Variants in XPNPEP1 observed in about 807,000 individuals in gnomAD.
XPNPEP1 encodes the protein xaa-Pro aminopeptidase 1.
Under a neutral mutation model 92.4 loss-of-function variants are expected in XPNPEP1, and 39 were observed. The ratio of observed to expected loss-of-function variants is 0.42; its 90% CI spans 0.33 to 0.55. The LOEUF is 0.55. Ranked by LOEUF, XPNPEP1 falls within the 20% of genes least tolerant of loss-of-function variation. The probability of loss-of-function intolerance (pLI) is 0.08; values close to 1 mark genes in which losing one functional copy is unlikely to be tolerated. For missense variants in XPNPEP1, 654 were observed against 856.1 expected (o/e 0.76, Z 2.95); for synonymous variants, 307 against 299.4 (o/e 1.03, Z -0.26).
chr10:109,920,310 A>T (rs1423666271), intron 1 of XPNPEP1, among the ~76,000 whole-genome samples: 1 of 152,204 alleles, frequency 6.6e-6, no homozygotes, highest in African/African-American at 2.4e-5. Context: ...ATAGTTGTAC[A>T]ACTCTGTGAC....
intron 1 of XPNPEP1, among the ~76,000 whole-genome samples, chr10:109,921,559 G>A (rs1850542447): frequency 6.6e-6 from 1 of 152,226 alleles, no homozygotes; most frequent in Admixed American, 6.5e-5. Flanking sequence ...GTAGCGTTCA[G>A]CATGGGGCAA....
chr10:109,918,589 G>C (rs906757278), intron 1 of XPNPEP1, among the ~76,000 whole-genome samples: 3 of 151,892 alleles, frequency 2.0e-5, no homozygotes, highest in Admixed American at 6.6e-5. Context: ...GTGAAACCCT[G>C]TCTCTACTAA....
intron 2 of XPNPEP1, among the ~76,000 whole-genome samples, chr10:109,913,245 C>T (rs1041059987): frequency 7.2e-5 from 11 of 152,250 alleles, no homozygotes; most frequent in African/African-American, 2.2e-4. Flanking sequence ...ATGAAAAGCA[C>T]ACCATACTTA....
At chr10:109,917,051 A>G (rs564004512) in intron 1 of XPNPEP1, among the ~76,000 whole-genome samples, 115 of 149,746 alleles carry the variant, frequency 7.7e-4, no homozygotes, top group African/African-American at 2.7e-3. Context: ...CCTATAATCT[A>G]GGGAATGTCT....
intron 1 of XPNPEP1, chr10:109,923,104 T>C (rs1850644021): frequency 1.0e-6 from 1 of 957,408 alleles, no homozygotes; most frequent in African/African-American, 1.8e-5. Flanking sequence ...CCAGGAACTG[T>C]GACGGCCGCC....
intron 17 of XPNPEP1, 172 bp from the exon 18 acceptor site, chr10:109,871,076 C>T (rs1175906521): frequency 4.3e-6 from 3 of 695,422 alleles, no homozygotes; most frequent in Admixed American, 3.3e-5. Context: ...CCTGAGAAAC[C>T]ATCAGAGCTC....
chr10:109,866,482 A>T (rs1260723246), intron 20 of XPNPEP1, among the ~76,000 whole-genome samples: 1 of 152,208 alleles, frequency 6.6e-6, no homozygotes, highest in Non-Finnish European at 1.5e-5. Context: ...CTACTGTCCA[A>T]AGCAGCTCAA....
chr10:109,900,469 C>A (rs1014442428), intron 3 of XPNPEP1, among the ~76,000 whole-genome samples: 2 of 152,170 alleles, frequency 1.3e-5, no homozygotes, highest in African/African-American at 4.8e-5. Context: ...CTCTTCTCCA[C>A]AGGAACTAAA....
intron 12 of XPNPEP1, chr10:109,878,479 G>C (rs984472694): frequency 4.2e-5 from 7 of 168,102 alleles, no homozygotes; most frequent in African/African-American, 1.7e-4. Context: ...AGGAGGACTG[G>C]GTTAGTAAAT....
chr10:109,905,776 A>T (rs1849526441), intron 3 of XPNPEP1, among the ~76,000 whole-genome samples: 2 of 152,242 alleles, frequency 1.3e-5, no homozygotes, highest in Non-Finnish European at 2.9e-5. Flanking sequence ...TCAACTAACA[A>T]ATATATTTTT....
intron 12 of XPNPEP1, among the ~76,000 whole-genome samples, chr10:109,879,261 A>T (rs1037644311): frequency 2.0e-5 from 3 of 149,900 alleles, no homozygotes; most frequent in Non-Finnish European, 3.0e-5. Flanking sequence ...AAAAAATAAT[A>T]AAAATGTAAT....
chr10:109,880,212 T>C lies in XPNPEP1; in HGVS notation c.1158A>G (p.Glu386=). The change falls in exon 12 of 21, where the codon GAA becomes GAG. Residue 386 remains glutamate (E), a synonymous_variant. Transcript: ENST00000502935. ...CCTCTTTCTCCAGCCAGTTAAAGAG[T>C]TCACAGAGAGCAACAGCATCTTTAA... is the stretch of plus-strand genomic sequence containing the variant. ...AHIKDAVALC[E]LFNWLEKEVP... The C allele has an allele frequency of 1.2e-6, 2 of 1,613,788 alleles. No homozygotes were observed. Among genetic ancestry groups the C allele is most frequent in the Non-Finnish European group, 1.7e-6 (2 of 1,179,976 alleles).
At chr10:109,919,762 G>A (rs1286462487) in intron 1 of XPNPEP1, among the ~76,000 whole-genome samples, 8 of 152,146 alleles carry the variant, frequency 5.3e-5, no homozygotes, top group East Asian at 1.9e-4. Context: ...CGCCAGGCGC[G>A]GTAGCTCACG....
At chr10:109,915,419 G>A (rs906947857) in intron 1 of XPNPEP1, among the ~76,000 whole-genome samples, 5 of 152,208 alleles carry the variant, frequency 3.3e-5, no homozygotes, top group East Asian at 1.9e-4. Flanking sequence ...ACATCTGCCC[G>A]TTCTTTCTTT....
In XPNPEP1 at chr10:109,919,139, A is replaced by G. The variant is rs528620183; in HGVS notation, c.33-4040T>C. On this transcript the variant is annotated intron_variant, in intron 1 of 20. Transcript: ENST00000502935. ...CAGCAACAAAAGAAAAAAGAGATAC[A>G]CTGGACTTCATCAGAATTTAAAATG... is the stretch of plus-strand genomic sequence containing the variant. Among the ~76,000 whole-genome samples, 12 of 152,330 alleles carry G rather than the reference A, an allele frequency of 7.9e-5. No homozygotes were observed. In the South Asian group the frequency reaches 2.5e-3, roughly 32 times the overall value.
chr10:109,892,953 A>T, intron 4 of XPNPEP1, 59 bp downstream of exon 4: 1 of 1,549,348 alleles, frequency 6.5e-7, no homozygotes, highest in Non-Finnish European at 8.9e-7. Flanking sequence ...AACTCGGTTC[A>T]GTTATTTTTA....
chr10:109,903,698 G>A (rs80070780), intron 3 of XPNPEP1, among the ~76,000 whole-genome samples: 3,995 of 152,242 alleles, frequency 0.026, 169 homozygotes, highest in African/African-American at 0.091. Flanking sequence ...CAAGGCAATG[G>A]TCTGCCCTTC....
chr10:109,899,564 C>G (rs942197275), intron 3 of XPNPEP1, among the ~76,000 whole-genome samples: 1 of 152,230 alleles, frequency 6.6e-6, no homozygotes, highest in Non-Finnish European at 1.5e-5. Context: ...TCTAACACAA[C>G]AGATAAAATC....
chr10:109,899,354 C>T (rs1057125651), intron 3 of XPNPEP1, among the ~76,000 whole-genome samples: 1 of 152,194 alleles, frequency 6.6e-6, no homozygotes, highest in East Asian at 1.9e-4. Context: ...CCTGTCCATA[C>T]TCTGTCCCCT....
Sources: allele counts gnomAD v4.1 joint callset (sites outside exome capture counted in the v4.1 genomes callset), GRCh38; gene constraint gnomAD v4.1.1; transcripts MANE v1.5; gene names NCBI Gene and HGNC (gene_info 2026-07-23, HGNC 2026-07-21).